RABGAP1: variants seen among roughly 807,000 people sequenced by gnomAD.
RABGAP1 encodes RAB GTPase activating protein 1, also known as rab GTPase-activating protein 1.
RABGAP1 carries 23 observed loss-of-function variants against 137.6 expected under a neutral mutation model. The observed-to-expected ratio is 0.17, with a 90% confidence interval of 0.12 to 0.24. The LOEUF (loss-of-function observed/expected upper bound fraction) is 0.24, where lower values mean the gene tolerates loss of function less well. RABGAP1 is among the 10% of genes least tolerant of loss of function. RABGAP1 has a pLI of 1.00. For synonymous variants in RABGAP1, 451 were observed against 450.7 expected (o/e 1.00, Z -0.01); for missense variants, 906 against 1,275.8 (o/e 0.71, Z 4.42).
At chr9:123,102,866 G>GT (rs1025359682) in intron 25 of RABGAP1, among the ~76,000 whole-genome samples, 97 of 152,362 alleles carry the variant, frequency 6.4e-4, no homozygotes, top group African/African-American at 2.3e-3. Context: ...GACATAGCAA[G>GT]TAGAAGACTG....
chr9:123,080,662 A>T (rs918364483), intron 19 of RABGAP1, among the ~76,000 whole-genome samples: 4 of 152,200 alleles, frequency 2.6e-5, no homozygotes, highest in African/African-American at 9.6e-5. Context: ...GTATGAGTAC[A>T]CATGAGGATC....
intron 13 of RABGAP1, chr9:123,029,804 G>A: frequency 2.2e-6 from 1 of 462,142 alleles, no homozygotes; most frequent in Non-Finnish European, 4.1e-6. Flanking sequence ...TAAGATGTCA[G>A]ACAAAAAGTG....
chr9:122,933,780 A>G, the RABGAP1 span, among the ~76,000 whole-genome samples: 4 of 152,008 alleles, frequency 2.6e-5, no homozygotes, highest in Non-Finnish European at 5.9e-5. Context: ...GCACGCCACC[A>G]TGCCCAGTTA....
chr9:123,089,710 C>T (rs1211477246), intron 19 of RABGAP1, 48 bp from the exon 20 acceptor site: 2 of 1,491,334 alleles, frequency 1.3e-6, no homozygotes, highest in South Asian at 1.2e-5. Context: ...ACTGAAGCAC[C>T]CACTACTTTC....
chr9:123,035,892 C>G (rs1345764849), intron 13 of RABGAP1, among the ~76,000 whole-genome samples: 4 of 152,122 alleles, frequency 2.6e-5, no homozygotes, highest in Admixed American at 2.6e-4. Flanking sequence ...GACTACAGTT[C>G]TCAGATTTAA....
chr9:123,006,499 T>C (rs1216232354), intron 10 of RABGAP1, among the ~76,000 whole-genome samples: 3 of 152,230 alleles, frequency 2.0e-5, no homozygotes, highest in African/African-American at 7.2e-5. Context: ...GCTACACTTA[T>C]CATATATGAA....
At chr9:123,082,378 A>C (rs995761320) in intron 19 of RABGAP1, among the ~76,000 whole-genome samples, 1 of 152,218 alleles carries the variant, frequency 6.6e-6, no homozygotes, top group East Asian at 1.9e-4. Flanking sequence ...TTCCATTCTA[A>C]ATAGATTATT....
At chr9:123,064,581 A>C (rs2034106363) in intron 13 of RABGAP1, among the ~76,000 whole-genome samples, 1 of 152,248 alleles carries the variant, frequency 6.6e-6, no homozygotes, top group Non-Finnish European at 1.5e-5. Context: ...AGCTATGAAG[A>C]CACTGCATTG....
At chr9:122,996,337 T>C (rs1287443037) in intron 7 of RABGAP1, 186 bp downstream of exon 7, 4 of 1,193,180 alleles carry the variant, frequency 3.4e-6, no homozygotes, top group Admixed American at 3.0e-5. Flanking sequence ...GCTAATACGC[T>C]CTCTTCAACT....
chr9:123,026,170 A>G (rs1335131908), intron 13 of RABGAP1, among the ~76,000 whole-genome samples: 1 of 152,064 alleles, frequency 6.6e-6, no homozygotes, highest in African/African-American at 2.4e-5. Context: ...CTAAAAATAC[A>G]AGAATTAGCC....
At chr9:123,057,130 C>CG (rs2033744199) in intron 13 of RABGAP1, among the ~76,000 whole-genome samples, 1 of 148,632 alleles carries the variant, frequency 6.7e-6, no homozygotes, top group Non-Finnish European at 1.5e-5. Flanking sequence ...CCCTCCCGGA[C>CG]GGGGCGGCTG....
chr9:123,027,920 AGGTCCCTCTAAATTATTACT>A (rs1408100629), intron 13 of RABGAP1, among the ~76,000 whole-genome samples: 1 of 152,252 alleles, frequency 6.6e-6, no homozygotes, highest in Non-Finnish European at 1.5e-5. Flanking sequence ...TTGCTACAGT[AGGTCCCTCTAAATTATTACT>A]TGTGAACATA....
chr9:122,948,498 A>G (rs1834057674), intron 1 of RABGAP1, among the ~76,000 whole-genome samples: 2 of 152,222 alleles, frequency 1.3e-5, no homozygotes, highest in Non-Finnish European at 2.9e-5. Flanking sequence ...TGTGAAGATT[A>G]GTAATAATGC....
chr9:123,093,566 T>C (rs2035094140), intron 21 of RABGAP1, among the ~76,000 whole-genome samples: 1 of 152,256 alleles, frequency 6.6e-6, no homozygotes, highest in African/African-American at 2.4e-5. Context: ...TTTTGCAGAT[T>C]GCTGAACTTG....
chr9:123,035,652 G>A (rs1291683693), intron 13 of RABGAP1: 10 of 286,292 alleles, frequency 3.5e-5, no homozygotes, highest in African/African-American at 6.9e-5. Flanking sequence ...GTGTGTGTGT[G>A]TGTGTGTGTG....
upstream of RABGAP1, chr9:122,939,277 A>T (rs1473367414): frequency 6.6e-6 from 1 of 152,114 alleles, no homozygotes; most frequent in Non-Finnish European, 1.5e-5. Flanking sequence ...AAATACACAC[A>T]CACAGAAGGA....
chr9:123,035,766 G>A (rs557261934), intron 13 of RABGAP1: 19 of 547,396 alleles, frequency 3.5e-5, no homozygotes, highest in Admixed American at 7.0e-5. Flanking sequence ...CAAATTATTC[G>A]TATGGATACC....
At chr9:122,998,398 A>G (rs1837150043) in intron 9 of RABGAP1, among the ~76,000 whole-genome samples, 199 bp from the exon 10 acceptor site, 2 of 152,222 alleles carry the variant, frequency 1.3e-5, no homozygotes, top group African/African-American at 2.4e-5. Context: ...TACTACTGTC[A>G]GTTACTTTAA....
At chr9:123,053,804 T>C (rs867521967) in intron 13 of RABGAP1, among the ~76,000 whole-genome samples, 42 of 152,378 alleles carry the variant, frequency 2.8e-4, no homozygotes, top group Middle Eastern at 3.4e-3. Context: ...TTATTTCTCA[T>C]GGCAGCCTTC....
Sources: gnomAD v4.1 joint callset for allele counts (sites outside exome capture counted in the v4.1 genomes callset) on GRCh38, gnomAD v4.1.1 for gene constraint, MANE v1.5 for transcripts, NCBI Gene and HGNC (gene_info 2026-07-23, HGNC 2026-07-21) for gene names.